The following SAMD7 variants were observed in gnomAD, a reference collection of about 807,000 sequenced individuals.
SAMD7 encodes sterile alpha motif domain-containing protein 7.
SAMD7 carries 34 observed loss-of-function variants against 36.7 expected under a neutral mutation model. That is an observed-to-expected ratio of 0.93 (90% CI 0.71 to 1.23). The LOEUF is 1.23. Ranked by LOEUF, SAMD7 falls within the 50% of genes most tolerant of loss-of-function variation. The pLI, the probability that SAMD7 is intolerant of heterozygous loss-of-function variation, is 0.00. For missense variants in SAMD7, 570 were observed against 546.6 expected (o/e 1.04, Z -0.43); for synonymous variants, 188 against 189.7 (o/e 0.99, Z 0.07).
chr3:169,919,372 A>G (rs1380875678), intron 2 of SAMD7, 86 bp from the exon 3 acceptor site: 3 of 729,658 alleles, frequency 4.1e-6, no homozygotes, highest in East Asian at 2.6e-5. Context: ...TGAAAATACA[A>G]AAGGCTTTTA....
At chr3:169,916,342 G>A (rs888327069) in intron 2 of SAMD7, among the ~76,000 whole-genome samples, 1 of 152,086 alleles carries the variant, frequency 6.6e-6, no homozygotes, top group Non-Finnish European at 1.5e-5. Flanking sequence ...CTAGATAACT[G>A]CTGTACAAAA....
chr3:169,915,985 T>C (rs569541288), intron 2 of SAMD7, among the ~76,000 whole-genome samples: 1 of 152,324 alleles, frequency 6.6e-6, no homozygotes, highest in Non-Finnish European at 1.5e-5. Flanking sequence ...GCATAATCCA[T>C]GAAGCCACCA....
At chr3:169,916,540 G>A (rs909061365) in intron 2 of SAMD7, among the ~76,000 whole-genome samples, 4 of 152,132 alleles carry the variant, frequency 2.6e-5, no homozygotes, top group East Asian at 3.9e-4. Flanking sequence ...GCCAGCTACC[G>A]AGGAGGCTGA....
At chr3:169,937,456 T>C (rs549395330) in intron 8 of SAMD7, among the ~76,000 whole-genome samples, 1 of 152,224 alleles carries the variant, frequency 6.6e-6, no homozygotes, top group African/African-American at 2.4e-5. Flanking sequence ...CCCCTCCCTA[T>C]GTCCATGTGT....
chr3:169,926,528 A>G (rs1352307780), intron 5 of SAMD7, 25 bp from the exon 6 acceptor site: 2 of 1,584,482 alleles, frequency 1.3e-6, no homozygotes, highest in East Asian at 2.2e-5. Flanking sequence ...CTTGGGCTGT[A>G]TAAAATATAT....
Position 169,938,485 on chromosome 3 carries a change from G to T in SAMD7, c.1320G>T (p.Glu440Asp), listed in dbSNP as rs1051769509. The change falls in exon 9 of 9, where the codon GAG becomes GAT. Residue 440 changes from glutamate (E) to aspartate (D), a missense_variant. Physicochemically the swap from Glu to Asp is conservative, Grantham distance 45. Transcript: ENST00000335556. ...ATACAATAATTCCTAAAGGAATTGAGCGAGGTAGTATGAGAAACTAAAAGC... is the reference window on the plus strand; with the variant it reads ...ATACAATAATTCCTAAAGGAATTGATCGAGGTAGTATGAGAAACTAAAAGC... The part of the protein sequence containing the change: ...PQDTIIPKGI[E>D]RGSMRN The T allele has an allele frequency of 6.2e-7, 1 of 1,610,740 alleles. No homozygotes were observed. Among genetic ancestry groups the T allele is most frequent in the Non-Finnish European group, 8.5e-7 (1 of 1,177,626 alleles).
rs774533158 is a variant in SAMD7, at chr3:169,927,039, T to A, written c.777T>A (p.His259Gln). 9.3e-6 allele frequency: 15 copies of A among 1,612,740 alleles called. No homozygotes were observed. The highest frequency in any genetic ancestry group is 1.3e-5 in the Non-Finnish European group (15 of 1,179,604). Residue 259 changes from histidine to glutamine, a missense_variant, in exon 6 of 9, where the codon CAT becomes CAA. Physicochemically the swap from His to Gln is conservative, Grantham distance 24. Transcript: ENST00000335556. ...CCTGTGGAGAGCTCGAGCCCACCCA[T>A]AGGAAACCCTGGGGGTCTCACACCA... ...ANTCGELEPT[H>Q]RKPWGSHTTT...
At chr3:169,933,210 A>T (rs1283022360) in intron 7 of SAMD7, 2 of 637,322 alleles carry the variant, frequency 3.1e-6, no homozygotes, top group African/African-American at 3.7e-5. Flanking sequence ...ATGGTAGAAG[A>T]CACAATGCCT....
rs566230450 is a variant in SAMD7, at chr3:169,915,617, CT to C, written c.-42+177del. Among the ~76,000 whole-genome samples, 219 of 115,686 alleles carry C rather than the reference CT, an allele frequency of 1.9e-3. 1 individual carries two copies. The highest frequency in any genetic ancestry group is 7.0e-3 in the African/African-American group (210 of 29,860). 75.9% of individuals were successfully genotyped at this position (115,686 alleles called of 152,430 possible). A position where few individuals can be genotyped will look rare whatever the true frequency, so the allele number is the denominator to read the frequency against. ...TTTTTTTTTTGGAGACAGAATCTCC[CT>C]CTGTTGCCCAGGCTGGAGTGCAGCG... On this transcript the variant is annotated intron_variant, in intron 2 of 8. Transcript: ENST00000335556.
chr3:169,919,670 T>G (rs1465837088), intron 3 of SAMD7, 86 bp downstream of exon 3: 2 of 1,094,188 alleles, frequency 1.8e-6, no homozygotes, highest in African/African-American at 3.1e-5. Flanking sequence ...TAGTGTTGTT[T>G]TATTGCCTAA....
At chr3:169,919,712 C>T in intron 3 of SAMD7, 128 bp downstream of exon 3, 1 of 776,022 alleles carries the variant, frequency 1.3e-6, no homozygotes, top group Non-Finnish European at 2.2e-6. Flanking sequence ...TGCAGTAATT[C>T]AAGTCAAGAC....
At chr3:169,935,328 T>C (rs900108610) in intron 7 of SAMD7, among the ~76,000 whole-genome samples, 1 of 152,080 alleles carries the variant, frequency 6.6e-6, no homozygotes, top group African/African-American at 2.4e-5. Context: ...GAATTATCTA[T>C]CCTCTCTGGA....
chr3:169,916,872 G>C (rs1712826571), intron 2 of SAMD7, among the ~76,000 whole-genome samples: 1 of 152,216 alleles, frequency 6.6e-6, no homozygotes, highest in African/African-American at 2.4e-5. Context: ...AGGAGCACCT[G>C]AGATTTCAAG....
Position 169,919,565 on chromosome 3 carries a change from G to C in SAMD7, c.67G>C (p.Gly23Arg), listed in dbSNP as rs751330039. The C allele has an allele frequency of 6.2e-7, 1 of 1,613,704 alleles. No homozygotes were observed. Among genetic ancestry groups the C allele is most frequent in the Non-Finnish European group, 8.5e-7 (1 of 1,179,618 alleles). Reference protein sequence around the residue: ...QTIPLIPSPFGPPTVDRDVLP... With the variant: ...QTIPLIPSPFRPPTVDRDVLP... ...AATCCCACTGATCCCCTCACCATTT[G>C]GGCCTCCAACTGTGGACAGGTATTT... is the stretch of plus-strand genomic sequence containing the variant. Residue 23 changes from glycine to arginine, a missense_variant, in exon 3 of 9, where the codon GGG (glycine) becomes CGG (arginine). By Grantham distance (125) the Gly-to-Arg change is moderately radical. Transcript: ENST00000335556.
At chr3:169,927,695 T>A (rs1031731344) in intron 6 of SAMD7, among the ~76,000 whole-genome samples, 36 of 152,198 alleles carry the variant, frequency 2.4e-4, no homozygotes, top group African/African-American at 8.7e-4. Context: ...AGCCTCTGTT[T>A]ATATTTTGCT....
At position 169,936,380 on chromosome 3, in the gene SAMD7, A is replaced by G; in HGVS notation, c.1083A>G (p.Leu361=). The G allele has an allele frequency of 6.2e-7, 1 of 1,613,514 alleles. No homozygotes were observed. The highest frequency in any genetic ancestry group is 2.2e-5 in the East Asian group (1 of 44,864). The change falls in exon 8 of 9, where the codon TTA becomes TTG. Residue 361 remains leucine, a synonymous_variant. Transcript: ENST00000335556. The part of the protein sequence containing the change: ...DHAIDGETLP[L]LTEEHLRGTM... Reference sequence around the variant, plus strand: ...CAATTGATGGAGAAACTTTGCCATTACTCACAGAAGAGCATCTTCGAGGCA... The same window carrying G: ...CAATTGATGGAGAAACTTTGCCATTGCTCACAGAAGAGCATCTTCGAGGCA...
chr3:169,920,000 C>T (rs1712980534), intron 3 of SAMD7, among the ~76,000 whole-genome samples: 1 of 152,104 alleles, frequency 6.6e-6, no homozygotes, highest in Non-Finnish European at 1.5e-5. Context: ...TGGAGAAACC[C>T]CATCTCTACT....
intron 7 of SAMD7, chr3:169,933,079 T>C: frequency 1.1e-6 from 1 of 907,344 alleles, no homozygotes; most frequent in Non-Finnish European, 1.8e-6. Flanking sequence ...AAATCTGCCA[T>C]GGCCCATGAC....
At chr3:169,933,834 C>T (rs573766540) in intron 7 of SAMD7, among the ~76,000 whole-genome samples, 3 of 152,260 alleles carry the variant, frequency 2.0e-5, no homozygotes, top group Admixed American at 6.5e-5. Flanking sequence ...CACATCCATA[C>T]GAGCACGTTG....
Sources: allele counts gnomAD v4.1 joint callset (sites outside exome capture counted in the v4.1 genomes callset), GRCh38; gene constraint gnomAD v4.1.1; transcripts MANE v1.5; gene names NCBI Gene and HGNC (gene_info 2026-07-23, HGNC 2026-07-21).